C1QTNF7: variants seen among roughly 807,000 people sequenced by gnomAD.
The protein encoded by C1QTNF7 is C1q and TNF related 7.
A neutral mutation model predicts 19.6 loss-of-function variants in C1QTNF7; 15 were observed. That is an observed-to-expected ratio of 0.76 (90% CI 0.51 to 1.18). The LOEUF (loss-of-function observed/expected upper bound fraction) is 1.18, where lower values mean the gene tolerates loss of function less well. Among genes scored for constraint, C1QTNF7 ranks in the 50% most tolerant of loss-of-function variants. C1QTNF7 has a pLI of 0.00. For synonymous variants in C1QTNF7, 142 were observed against 137.5 expected, an observed-to-expected ratio of 1.03 and a Z score of -0.23; for missense variants, 324 against 359.7, an observed-to-expected ratio of 0.90 and a Z score of 0.80.
At chr4:15,397,207 G>A (rs1486071334) in intron 1 of C1QTNF7, among the ~76,000 whole-genome samples, 2 of 152,204 alleles carry the variant, frequency 1.3e-5, no homozygotes, top group Non-Finnish European at 2.9e-5. Context: ...TACAATCCAA[G>A]ATGAGATTTG....
At position 15,443,336 on chromosome 4, in the gene C1QTNF7, G is replaced by A. The variant is rs569824339; in HGVS notation, c.*537G>A. 2 of 151,194 alleles carry A rather than the reference G, an allele frequency of 1.3e-5. No homozygotes were observed. The highest frequency in any genetic ancestry group is 2.1e-4 in the South Asian group (1 of 4,788). The allele number at this position is 151,194 out of a possible 1,614,324, so 9.4% of individuals were successfully genotyped here. A position where few individuals can be genotyped will look rare whatever the true frequency, so the allele number is the denominator to read the frequency against. ...TATTCACTCAACAACCCTTTAATGA[G>A]CCTGTAAGGACCAGACACTGTGGCG... On this transcript the variant is annotated 3_prime_UTR_variant, in exon 3 of 3. Transcript: ENST00000444304.
At chr4:15,429,124 G>A (rs1712189460) in intron 1 of C1QTNF7, among the ~76,000 whole-genome samples, 1 of 152,164 alleles carries the variant, frequency 6.6e-6, no homozygotes. Flanking sequence ...GTGGTGTGAG[G>A]ATAAAGTAAA....
Position 15,444,552 on chromosome 4 carries a change from T to C in C1QTNF7, c.*1753T>C, listed in dbSNP as rs1712920444. 1 of 152,048 alleles carries C rather than the reference T, an allele frequency of 6.6e-6. No individual in the cohort carries two copies. Among genetic ancestry groups the C allele is most frequent in the Non-Finnish European group, 1.5e-5 (1 of 68,038 alleles). The allele number at this position is 152,048 out of a possible 1,614,324, so 9.4% of individuals were successfully genotyped here. A position where few individuals can be genotyped will look rare whatever the true frequency, so the allele number is the denominator to read the frequency against. The stretch of plus-strand genomic sequence containing the variant: ...CTTCCCAGAGGGTGCAGGAGCCAGC[T>C]CTGACTAGTAAATTTCTAAGGATAC... On this transcript the variant is annotated 3_prime_UTR_variant, in exon 3 of 3. Transcript: ENST00000444304.
At chr4:15,359,916 C>A (rs183617909) in intron 1 of C1QTNF7, among the ~76,000 whole-genome samples, 1 of 152,290 alleles carries the variant, frequency 6.6e-6, no homozygotes, top group Admixed American at 6.5e-5. Context: ...CTACTCCCAC[C>A]CTTCCTAGAC....
At position 15,442,389 on chromosome 4, in the gene C1QTNF7, A is replaced by G. The variant is rs754147606; in HGVS notation, c.460A>G (p.Ile154Val). 109 of 1,614,114 alleles carry G rather than the reference A, an allele frequency of 6.8e-5. No individual in the cohort carries two copies. Among genetic ancestry groups the G allele is most frequent in the Non-Finnish European group, 8.9e-5 (105 of 1,180,046 alleles). The change falls in exon 3 of 3, where the codon ATC (isoleucine) becomes GTC (valine). Residue 154 changes from isoleucine (I) to valine (V), a missense_variant. Ile to Val is a conservative substitution (Grantham distance 29, BLOSUM62 3). Transcript: ENST00000444304. Reference sequence around the variant, plus strand: ...GCTCAAATCCGCCTTTTCTGTTGGCATCACAACCAGCTACCCAGAAGAAAG... The same window carrying G: ...GCTCAAATCCGCCTTTTCTGTTGGCGTCACAACCAGCTACCCAGAAGAAAG... ...IVLKSAFSVGITTSYPEERLP... is the reference protein window; with the variant it reads ...IVLKSAFSVGVTTSYPEERLP...
intron 1 of C1QTNF7, among the ~76,000 whole-genome samples, chr4:15,356,082 GTTTA>G (rs892653357): frequency 1.3e-4 from 19 of 149,392 alleles, no homozygotes; most frequent in Non-Finnish European, 2.2e-4. Flanking sequence ...TTGTTTGTTT[GTTTA>G]TTTGTTTTTC....
rs1415839662 is a variant in C1QTNF7 at position 15,403,883 on chromosome 4, A to G, written c.14-31853A>G. The stretch of plus-strand genomic sequence containing the variant: ...TTTTTTCTGTATTATGAAATGATAT[A>G]AAATACCTAAATTTTAAAAACAAAA... On this transcript the variant is annotated intron_variant, in intron 1 of 2. Transcript: ENST00000295297. 2.6e-5 allele frequency among the ~76,000 whole-genome samples: 4 copies of G among 152,320 alleles called. No individual in the cohort carries two copies. The South Asian group carries it at 6.2e-4, about 24-fold the overall frequency.
At chr4:15,346,724 T>C (rs1003730936) in intron 1 of C1QTNF7, among the ~76,000 whole-genome samples, 1 of 152,194 alleles carries the variant, frequency 6.6e-6, no homozygotes, top group African/African-American at 2.4e-5. Flanking sequence ...TCATCACAGG[T>C]GTATCTATCA....
rs368949025 is a variant in C1QTNF7 at position 15,421,948 on chromosome 4, T to C, written c.14-13788T>C. Among the ~76,000 whole-genome samples, 6 of 152,222 alleles carry C rather than the reference T, an allele frequency of 3.9e-5. No individual in the cohort carries two copies. In the East Asian group the frequency reaches 1.2e-3, roughly 29 times the overall value. ...CAGAGCCTCAAAAACCCACATATTG[T>C]AAGATTCTATTTATATGACACTCTG... On this transcript the variant is annotated intron_variant, in intron 1 of 2. Coordinates refer to the C1QTNF7 transcript ENST00000295297.
chr4:15,372,943 AG>A (rs1717786085), intron 1 of C1QTNF7, among the ~76,000 whole-genome samples: 2 of 148,946 alleles, frequency 1.3e-5, no homozygotes, highest in Admixed American at 1.3e-4. Context: ...GGGGAAAAAA[AG>A]TCAAGGCAGA....
chr4:15,425,260 T>C (rs577678227), upstream of C1QTNF7, among the ~76,000 whole-genome samples: 1 of 152,278 alleles, frequency 6.6e-6, no homozygotes, highest in East Asian at 1.9e-4. Context: ...GATATGCTCA[T>C]TCAGTAGATC....
chr4:15,369,835 G>A (rs1382131254), intron 1 of C1QTNF7, among the ~76,000 whole-genome samples: 1 of 152,164 alleles, frequency 6.6e-6, no homozygotes, highest in Non-Finnish European at 1.5e-5. Context: ...TTGACTGCAA[G>A]ACTTCAAATG....
chr4:15,342,197 A>C (rs1036137884), intron 1 of C1QTNF7, among the ~76,000 whole-genome samples: 1 of 152,136 alleles, frequency 6.6e-6, no homozygotes, highest in African/African-American at 2.4e-5. Context: ...CGCCTCCGAG[A>C]GGCTGGGAGA....
intron 1 of C1QTNF7, among the ~76,000 whole-genome samples, chr4:15,402,546 C>T (rs1222846876): frequency 6.6e-6 from 1 of 151,862 alleles, no homozygotes; most frequent in Non-Finnish European, 1.5e-5. Flanking sequence ...CCAGGCAATC[C>T]AAAAATAATA....
chr4:15,390,699 G>C (rs1718523287), intron 1 of C1QTNF7, among the ~76,000 whole-genome samples: 1 of 152,156 alleles, frequency 6.6e-6, no homozygotes, highest in Admixed American at 6.5e-5. Flanking sequence ...GGAAAATAAA[G>C]CAAGCTGGGA....
chr4:15,352,980 T>C (rs1716988187), intron 1 of C1QTNF7, among the ~76,000 whole-genome samples: 1 of 152,206 alleles, frequency 6.6e-6, no homozygotes, highest in Non-Finnish European at 1.5e-5. Flanking sequence ...GCTGCTTTGA[T>C]TTCTGGAATA....
intron 1 of C1QTNF7, among the ~76,000 whole-genome samples, chr4:15,353,619 T>C (rs1194214687): frequency 6.6e-6 from 1 of 152,092 alleles, no homozygotes; most frequent in East Asian, 1.9e-4. Context: ...AAGAGGGGCA[T>C]TTTCTTAGTG....
At chr4:15,355,473 T>C (rs575574893) in intron 1 of C1QTNF7, among the ~76,000 whole-genome samples, 1 of 152,300 alleles carries the variant, frequency 6.6e-6, no homozygotes, top group South Asian at 2.1e-4. Context: ...ACTAGCAATG[T>C]GCAAGTTGTC....
At chr4:15,428,008 T>A, upstream of C1QTNF7, 1 of 984,416 alleles carries the variant, frequency 1.0e-6, no homozygotes, top group Non-Finnish European at 1.2e-6. Flanking sequence ...TCTGTTATTC[T>A]GTCTGGTACC....
Sources: gnomAD v4.1 joint callset for allele counts (sites outside exome capture counted in the v4.1 genomes callset) on GRCh38, gnomAD v4.1.1 for gene constraint, MANE v1.5 for transcripts, NCBI Gene and HGNC (gene_info 2026-07-23, HGNC 2026-07-21) for gene names.